Variants in FGF1 observed in about 807,000 individuals in gnomAD.
The protein encoded by FGF1 is beta-endothelial cell growth factor.
Under a neutral mutation model 13.4 loss-of-function variants are expected in FGF1, and 9 were observed. That is an observed-to-expected ratio of 0.67 (90% CI 0.40 to 1.17). The LOEUF (loss-of-function observed/expected upper bound fraction) is 1.17, where lower values mean the gene tolerates loss of function less well. Ranked by LOEUF, FGF1 falls within the 50% of genes most tolerant of loss-of-function variation. The probability of loss-of-function intolerance (pLI) is 0.01; values close to 1 mark genes in which losing one functional copy is unlikely to be tolerated. For synonymous variants in FGF1, 93 were observed against 79.0 expected (o/e 1.18, Z -0.94); for missense variants, 156 against 192.7 (o/e 0.81, Z 1.13).
chr5:142,682,911 C>T (rs752282017), intron 1 of FGF1, among the ~76,000 whole-genome samples: 5 of 152,072 alleles, frequency 3.3e-5, no homozygotes, highest in African/African-American at 4.8e-5. Context: ...CTTATCTTTC[C>T]GCTGAGTTGG....
intron 1 of FGF1, among the ~76,000 whole-genome samples, chr5:142,614,451 GA>G (rs1759772471): frequency 6.6e-6 from 1 of 152,148 alleles, no homozygotes; most frequent in Admixed American, 6.5e-5. Context: ...TGACCATGGG[GA>G]AAAGAATCAT....
intron 1 of FGF1, among the ~76,000 whole-genome samples, chr5:142,657,943 G>A (rs567914145): frequency 9.9e-5 from 15 of 152,238 alleles, no homozygotes; most frequent in African/African-American, 2.9e-4. Flanking sequence ...CTCTCTGGGA[G>A]TGCTGGTCTG....
At chr5:142,603,155 G>A (rs1213371825) in intron 2 of FGF1, among the ~76,000 whole-genome samples, 1 of 152,178 alleles carries the variant, frequency 6.6e-6, no homozygotes, top group Non-Finnish European at 1.5e-5. Flanking sequence ...CTGCTCTCTC[G>A]AGCCTTCAGT....
intron 1 of FGF1, among the ~76,000 whole-genome samples, chr5:142,623,798 C>T (rs1463462352): frequency 1.3e-5 from 2 of 149,708 alleles, no homozygotes; most frequent in Admixed American, 6.7e-5. Context: ...GGCTGGAGTG[C>T]AGAGTGCAGT....
At chr5:142,647,609 C>T (rs1002756623) in intron 1 of FGF1, among the ~76,000 whole-genome samples, 2 of 152,164 alleles carry the variant, frequency 1.3e-5, no homozygotes, top group African/African-American at 2.4e-5. Flanking sequence ...AATCTAAATA[C>T]TAAATTCATT....
chr5:142,697,596 C>A (rs1753333638), intron 2 of FGF1: 1 of 152,258 alleles, frequency 6.6e-6, no homozygotes, highest in Non-Finnish European at 1.5e-5. Flanking sequence ...GCAATCTGAG[C>A]CCTTTGCAGA....
intron 1 of FGF1, among the ~76,000 whole-genome samples, chr5:142,614,467 T>A (rs1009756236): frequency 1.2e-4 from 18 of 152,208 alleles, no homozygotes; most frequent in Non-Finnish European, 2.2e-4. Flanking sequence ...AATCATGTTT[T>A]GGTCCCTCCT....
At position 142,610,281 on chromosome 5, in the gene FGF1, C is replaced by G. The variant is rs1042956033; in HGVS notation, c.169+3678G>C. Among the ~76,000 whole-genome samples the G allele has an allele frequency of 2.6e-5, 4 of 152,288 alleles. No homozygotes were observed. The East Asian group carries it at 7.7e-4, about 29-fold the overall frequency. Reference sequence around the variant, plus strand: ...CAGTCACTTATCAAATTAATGTTTACTGGACATTTTACCAAGTGGCAGGCA... The same window carrying G: ...CAGTCACTTATCAAATTAATGTTTAGTGGACATTTTACCAAGTGGCAGGCA... On this transcript the variant is annotated intron_variant, in intron 2 of 3. Coordinates refer to ENST00000337706, the MANE Select transcript of FGF1 (RefSeq NM_000800.5).
At chr5:142,603,846 C>G (rs1007066080) in intron 2 of FGF1, among the ~76,000 whole-genome samples, 1 of 152,088 alleles carries the variant, frequency 6.6e-6, no homozygotes, top group African/African-American at 2.4e-5. Context: ...GGGGTATTTG[C>G]GCTCAGTCTC....
intron 1 of FGF1, among the ~76,000 whole-genome samples, chr5:142,673,919 A>C (rs889358352): frequency 6.6e-6 from 1 of 152,154 alleles, no homozygotes; most frequent in Non-Finnish European, 1.5e-5. Context: ...GCCCTGCATG[A>C]GGTCTTTGCA....
intron 1 of FGF1, among the ~76,000 whole-genome samples, chr5:142,651,114 G>A (rs1767158509): frequency 1.3e-5 from 2 of 152,148 alleles, no homozygotes; most frequent in African/African-American, 2.4e-5. Context: ...TGGGGATCCT[G>A]CCTGAGTACC....
intron 3 of FGF1, among the ~76,000 whole-genome samples, chr5:142,597,468 C>T (rs1374282195): frequency 1.3e-5 from 2 of 152,158 alleles, no homozygotes; most frequent in Non-Finnish European, 2.9e-5. Context: ...AGTGCAGTTA[C>T]TTGAAAAAAA....
At chr5:142,663,249 GAAAAA>G (rs60474431) in intron 1 of FGF1, among the ~76,000 whole-genome samples, 84 of 138,724 alleles carry the variant, frequency 6.1e-4, no homozygotes, top group African/African-American at 2.0e-3. Context: ...AATCAGGAAA[GAAAAA>G]AAAAAAAAAG....
intron 3 of FGF1, among the ~76,000 whole-genome samples, chr5:142,598,615 A>C (rs1286595450): frequency 2.0e-5 from 3 of 152,222 alleles, no homozygotes; most frequent in Non-Finnish European, 4.4e-5. Context: ...AAACTTAAAA[A>C]AAATATACAT....
At chr5:142,694,418 G>A (rs1735360482) in intron 2 of FGF1, among the ~76,000 whole-genome samples, 1 of 152,188 alleles carries the variant, frequency 6.6e-6, no homozygotes, top group Non-Finnish European at 1.5e-5. Context: ...AAGATATGAA[G>A]CCATATGAAT....
chr5:142,631,779 C>CTTTTTTT (rs34929420), intron 1 of FGF1, among the ~76,000 whole-genome samples: 1 of 92,932 alleles, frequency 1.1e-5, no homozygotes, highest in South Asian at 4.0e-4. Context: ...TTTAAATTAG[C>CTTTTTTT]TTTTTTTTTT....
At chr5:142,607,275 C>T (rs74391006) in intron 2 of FGF1, among the ~76,000 whole-genome samples, 2,090 of 152,278 alleles carry the variant, frequency 0.014, 46 homozygotes, top group African/African-American at 0.047. Context: ...TCTCTGTCCA[C>T]TCCCTTTTTC....
chr5:142,677,615 G>A (rs187403474), intron 1 of FGF1, among the ~76,000 whole-genome samples: 1 of 152,278 alleles, frequency 6.6e-6, no homozygotes. Flanking sequence ...TACTTTCCAG[G>A]CCCCTTTCCA....
rs141708301 is a variant in FGF1, at chr5:142,645,985, T to C, written c.-34-31824A>G. 5.6e-4 allele frequency among the ~76,000 whole-genome samples: 86 copies of C among 152,316 alleles called. 5 individuals are homozygous for C. The East Asian group carries it at 0.016, about 29-fold the overall frequency. On this transcript the variant is annotated intron_variant, in intron 1 of 3. Transcript: ENST00000337706. ...GCGCAGTGGTGCGATCTTGGCTCAT[T>C]GCAAGCTCTGCCTCCCGCGTTCAAG...
Sources: gnomAD v4.1 joint callset for allele counts (sites outside exome capture counted in the v4.1 genomes callset) on GRCh38, gnomAD v4.1.1 for gene constraint, MANE v1.5 for transcripts, NCBI Gene and HGNC (gene_info 2026-07-23, HGNC 2026-07-21) for gene names.